Variants in HMGA2 observed in about 807,000 individuals in gnomAD.
HMGA2 encodes the protein high mobility group protein HMGI-C.
A neutral mutation model predicts 19.1 loss-of-function variants in HMGA2; 8 were observed. The ratio of observed to expected loss-of-function variants is 0.42; its 90% CI spans 0.25 to 0.76. The LOEUF (loss-of-function observed/expected upper bound fraction) is 0.76, where lower values mean the gene tolerates loss of function less well. HMGA2 is among the 30% of genes least tolerant of loss of function. The pLI, the probability that HMGA2 is intolerant of heterozygous loss-of-function variation, is 0.28. For missense variants in HMGA2, 109 were observed against 136.3 expected, an observed-to-expected ratio of 0.80 and a Z score of 1.00; for synonymous variants, 60 against 48.8, an observed-to-expected ratio of 1.23 and a Z score of -0.96.
rs1876129300 is a variant in HMGA2, at chr12:65,942,635, CACCT to C, written c.250-8747_250-8744del. On this transcript the variant is annotated intron_variant, in intron 3 of 4. Coordinates refer to ENST00000403681, the MANE Select transcript of HMGA2 (RefSeq NM_003483.6). ...TCTGAGACTGTGTATTCCTTTACCC[CACCT>C]GTGTGCGACTGTTTACTTCAGACTG... 1.3e-5 allele frequency: 2 copies of C among 152,062 alleles called. 1 individual carries two copies. Among genetic ancestry groups the C allele is most frequent in the South Asian group, 4.1e-4 (2 of 4,820 alleles). The allele number at this position is 152,062 out of a possible 1,614,324, so 9.4% of individuals were successfully genotyped here.
chr12:65,963,422 G>C lies in HMGA2; in HGVS notation c.*130G>C. 2.4e-6 allele frequency: 1 copy of C among 408,334 alleles called. No individual in the cohort carries two copies. 25.3% of individuals were successfully genotyped at this position (408,334 alleles called of 1,614,324 possible). On this transcript the variant is annotated 3_prime_UTR_variant, in exon 5 of 5. Transcript: ENST00000403681. ...CATCTGGGGTGGGGTGGGGTGGGGT[G>C]GGGGAGGGGGGGGTGGGGTGGGGAG...
chr12:65,900,810 G>A (rs1302732615), intron 3 of HMGA2, among the ~76,000 whole-genome samples: 1 of 152,162 alleles, frequency 6.6e-6, no homozygotes, highest in African/African-American at 2.4e-5. Flanking sequence ...TGTGCTGGAG[G>A]CACGTTGGAG....
At chr12:65,876,403 C>T (rs1873030431) in intron 3 of HMGA2, among the ~76,000 whole-genome samples, 2 of 152,134 alleles carry the variant, frequency 1.3e-5, no homozygotes, top group Non-Finnish European at 2.9e-5. Context: ...TCTATTAAAA[C>T]AGTGAAAGAA....
chr12:65,855,295 C>T (rs1871672990), intron 3 of HMGA2, among the ~76,000 whole-genome samples: 1 of 152,154 alleles, frequency 6.6e-6, no homozygotes, highest in African/African-American at 2.4e-5. Context: ...GTCTCTAGAA[C>T]AATTATAGTA....
intron 3 of HMGA2, among the ~76,000 whole-genome samples, chr12:65,849,357 G>A (rs1469784147): frequency 6.6e-6 from 1 of 152,194 alleles, no homozygotes; most frequent in Non-Finnish European, 1.5e-5. Context: ...TCTCTTGAGA[G>A]ATGGACATTC....
Position 65,825,526 on chromosome 12 carries a change from G to A in HMGA2, c.111+145G>A, listed in dbSNP as rs914340767. The A allele has an allele frequency of 1.5e-4, 45 of 309,000 alleles. No individual in the cohort carries two copies. The highest frequency in any genetic ancestry group is 1.1e-3 in the Middle Eastern group (1 of 918). 19.1% of individuals were successfully genotyped at this position (309,000 alleles called of 1,614,324 possible). A position where few individuals can be genotyped will look rare whatever the true frequency, so the allele number is the denominator to read the frequency against. ...CCGGCCGGCCGGGGGGAGCGGCGCA[G>A]ACCCCACGAGTGCGCCGCGCGGCCC... On this transcript the variant is annotated intron_variant, in intron 1 of 4. Transcript: ENST00000403681. This position sits in a 1 kb window ranked among gnomAD's most constrained non-coding sequence, Gnocchi z 4.4.
At chr12:65,826,495 C>G (rs747570964) in intron 1 of HMGA2, 1 of 152,216 alleles carries the variant, frequency 6.6e-6, no homozygotes, top group Non-Finnish European at 1.5e-5. Context: ...ATGGCAAACA[C>G]GCCGATTAGA....
intron 3 of HMGA2, among the ~76,000 whole-genome samples, chr12:65,841,849 C>T (rs1871011814): frequency 6.6e-6 from 1 of 152,232 alleles, no homozygotes; most frequent in South Asian, 2.1e-4. Context: ...TAATTGGGAT[C>T]CATATGGGTA....
chr12:65,825,432 G>T lies in HMGA2; in HGVS notation c.111+51G>T, dbSNP rs947084610. 7.4e-7 allele frequency: 1 copy of T among 1,353,610 alleles called. No homozygotes were observed. Among genetic ancestry groups the T allele is most frequent in the East Asian group, 3.0e-5 (1 of 32,968 alleles). The allele number at this position is 1,353,610 out of a possible 1,614,324, so 83.8% of individuals were successfully genotyped here. A position where few individuals can be genotyped will look rare whatever the true frequency, so the allele number is the denominator to read the frequency against. On this transcript the variant is annotated intron_variant, in intron 1 of 4. Transcript: ENST00000403681. This position sits in a 1 kb window ranked among gnomAD's most constrained non-coding sequence, Gnocchi z 4.4. ...ACCAGCCCACCCCGTCCCCACTGCCGGGGCCCAGACACGCGCGGGGCGGCC... is the reference window on the plus strand; with the variant it reads ...ACCAGCCCACCCCGTCCCCACTGCCTGGGCCCAGACACGCGCGGGGCGGCC...
At chr12:65,890,237 T>A (rs1873845012) in intron 3 of HMGA2, among the ~76,000 whole-genome samples, 1 of 152,162 alleles carries the variant, frequency 6.6e-6, no homozygotes, top group African/African-American at 2.4e-5. Context: ...CATTGTGTTA[T>A]CCTCATATAC....
At position 65,838,535 on chromosome 12, in the gene HMGA2, G is replaced by A. The variant is rs779988617; in HGVS notation, c.215G>A (p.Gly72Glu). Residue 72 changes from glycine to glutamate, a missense_variant, in exon 3 of 5, where the codon GGA (glycine) becomes GAA (glutamate). Physicochemically the swap from Gly to Glu is moderately conservative, Grantham distance 98. Coordinates refer to ENST00000403681, the MANE Select transcript of HMGA2 (RefSeq NM_003483.6). ...CATTTGCAGAAAGCAGAAGCCACTG[G>A]AGAAAAACGGCCAAGAGGCAGACCT... ...KAAQKKAEAT[G>E]EKRPRGRPRK... 2.5e-6 allele frequency: 4 copies of A among 1,612,232 alleles called. No homozygotes were observed. Among genetic ancestry groups the A allele is most frequent in the Non-Finnish European group, 3.4e-6 (4 of 1,178,716 alleles).
intron 3 of HMGA2, among the ~76,000 whole-genome samples, chr12:65,913,686 G>A (rs529140809): frequency 2.0e-5 from 3 of 152,138 alleles, no homozygotes; most frequent in African/African-American, 2.4e-5. Context: ...AATCTGGGCC[G>A]TGTTACTCAC....
At chr12:65,902,695 A>G (rs1464221564) in intron 3 of HMGA2, among the ~76,000 whole-genome samples, 1 of 152,148 alleles carries the variant, frequency 6.6e-6, no homozygotes, top group African/African-American at 2.4e-5. Flanking sequence ...AACAGACAGT[A>G]TGTTTTGGTA....
At chr12:65,948,977 C>T (rs941687319) in intron 3 of HMGA2, among the ~76,000 whole-genome samples, 9 of 152,162 alleles carry the variant, frequency 5.9e-5, no homozygotes, top group African/African-American at 2.2e-4. Flanking sequence ...GGATTTGAAA[C>T]GGTTTGGGAG....
intron 3 of HMGA2, among the ~76,000 whole-genome samples, chr12:65,844,763 G>C (rs1242078243): frequency 6.6e-6 from 1 of 152,220 alleles, no homozygotes; most frequent in Non-Finnish European, 1.5e-5. Context: ...ATTGACTGCA[G>C]AGTCTGAAGC....
chr12:65,875,665 G>A (rs938566680), intron 3 of HMGA2, among the ~76,000 whole-genome samples: 7 of 121,702 alleles, frequency 5.8e-5, no homozygotes, highest in African/African-American at 2.2e-4. Context: ...TGGCCAGGCT[G>A]GCCTTGAACT....
chr12:65,931,164 A>G (rs1436803478), intron 3 of HMGA2, among the ~76,000 whole-genome samples: 3 of 152,190 alleles, frequency 2.0e-5, no homozygotes, highest in Admixed American at 2.0e-4. Flanking sequence ...GTTCAGCATC[A>G]AAGAAAAGGT....
In HMGA2 at chr12:65,964,240, A is replaced by G. The variant is rs1420900297; in HGVS notation, c.*948A>G. ...ACTCACCTAATTATGAGGTGGGAGG[A>G]GCGAAATCTAAATTTCTTTTGCTAT... On this transcript the variant is annotated 3_prime_UTR_variant, in exon 5 of 5. Transcript: ENST00000403681. The G allele has an allele frequency of 9.8e-6, 2 of 203,810 alleles. No homozygotes were observed. The highest frequency in any genetic ancestry group is 2.0e-5 in the Non-Finnish European group (2 of 99,528). 12.6% of individuals were successfully genotyped at this position (203,810 alleles called of 1,614,324 possible). A position where few individuals can be genotyped will look rare whatever the true frequency, so the allele number is the denominator to read the frequency against.
At chr12:65,846,656 T>C (rs1871246560) in intron 3 of HMGA2, among the ~76,000 whole-genome samples, 1 of 152,238 alleles carries the variant, frequency 6.6e-6, no homozygotes, top group Admixed American at 6.5e-5. Flanking sequence ...ACCTATTTGG[T>C]TGCTTGTCTC....
Sources: allele counts gnomAD v4.1 joint callset (sites outside exome capture counted in the v4.1 genomes callset), GRCh38; gene constraint gnomAD v4.1.1; non-coding constraint Gnocchi (gnomAD v3.1); transcripts MANE v1.5; gene names NCBI Gene and HGNC (gene_info 2026-07-23, HGNC 2026-07-21).